The following CKAP5 variants were observed in gnomAD, a reference collection of about 807,000 sequenced individuals.
CKAP5 encodes cytoskeleton-associated protein 5.
In CKAP5, 27 loss-of-function variants were observed where a neutral mutation model predicts 232.8. The ratio of observed to expected loss-of-function variants is 0.12; its 90% CI spans 0.09 to 0.16. The LOEUF (loss-of-function observed/expected upper bound fraction) is 0.16. CKAP5 is among the 10% of genes least tolerant of loss of function. CKAP5 has a pLI of 1.00. For missense variants in CKAP5, 1,838 were observed against 2,424.7 expected, an observed-to-expected ratio of 0.76 and a Z score of 5.08; for synonymous variants, 785 against 841.1, an observed-to-expected ratio of 0.93 and a Z score of 1.16.
chr11:46,752,191 TATACACACACAC>T (rs1441989960), intron 38 of CKAP5, among the ~76,000 whole-genome samples: 4 of 73,162 alleles, frequency 5.5e-5, no homozygotes, highest in Non-Finnish European at 8.1e-5. Context: ...TATATATATA[TATACACACACAC>T]ACACACACAC....
chr11:46,756,064 G>C lies in CKAP5; in HGVS notation c.4690-997C>G, dbSNP rs145845187. On this transcript the variant is annotated intron_variant, in intron 35 of 43. Coordinates refer to ENST00000529230, the MANE Select transcript of CKAP5 (RefSeq NM_001008938.4). ...TGAGGCTCAGAAAGATCAGACTACT[G>C]GTCCAAACTCAAAAACTCAGCTTTC... is the stretch of plus-strand genomic sequence containing the variant. 5.9e-3 allele frequency among the ~76,000 whole-genome samples: 896 copies of C among 152,270 alleles called. 6 individuals are homozygous for C. The highest frequency in any genetic ancestry group is 0.021 in the African/African-American group (867 of 41,550).
chr11:46,790,358 T>TA (rs920112942), intron 14 of CKAP5, 112 bp downstream of exon 14: 16 of 902,394 alleles, frequency 1.8e-5, no homozygotes, highest in Non-Finnish European at 5.2e-6. Context: ...TTCAATAAGC[T>TA]AAAAAATATC....
At position 46,821,351 on chromosome 11, in the gene CKAP5, T is replaced by C. The variant is rs1939520389; in HGVS notation, c.-37-83A>G. 2.3e-5 allele frequency: 14 copies of C among 610,936 alleles called. No individual in the cohort carries two copies. In the East Asian group the frequency reaches 4.0e-4, roughly 17 times the overall value. 37.8% of individuals were successfully genotyped at this position (610,936 alleles called of 1,614,324 possible). ...TAACTTTTCTGAGATTATTATTTTA[T>C]CATTCATGCAACAACAAGAGTAAAA... On this transcript the variant is annotated intron_variant, in intron 1 of 43. Transcript: ENST00000529230.
At chr11:46,818,635 G>T in intron 2 of CKAP5, 132 bp from the exon 3 acceptor site, 1 of 598,600 alleles carries the variant, frequency 1.7e-6, no homozygotes, top group Admixed American at 3.6e-5. Flanking sequence ...AGGACCCCAT[G>T]ACTAGAAATG....
At chr11:46,776,878 C>T (rs1211399307) in intron 23 of CKAP5, among the ~76,000 whole-genome samples, 1 of 151,992 alleles carries the variant, frequency 6.6e-6, no homozygotes, top group African/African-American at 2.4e-5. Flanking sequence ...AATTATACAA[C>T]AGTATAGAGA....
chr11:46,797,266 C>G (rs939069082), intron 11 of CKAP5, among the ~76,000 whole-genome samples: 3 of 151,968 alleles, frequency 2.0e-5, no homozygotes, highest in Non-Finnish European at 4.4e-5. Context: ...ACTCAGGAGG[C>G]TGAGGCAGGA....
intron 11 of CKAP5, among the ~76,000 whole-genome samples, chr11:46,797,390 C>CAA (rs112909367): frequency 1.2e-4 from 17 of 137,784 alleles, no homozygotes; most frequent in South Asian, 9.8e-4. Flanking sequence ...ACAACAACAA[C>CAA]AAAAAAAAAA....
At chr11:46,764,101 T>C (rs1037928554) in intron 28 of CKAP5, among the ~76,000 whole-genome samples, 5 of 152,062 alleles carry the variant, frequency 3.3e-5, no homozygotes, top group Admixed American at 2.6e-4. Flanking sequence ...GCCTCCCAAA[T>C]TGTTGGGATG....
intron 40 of CKAP5, 57 bp downstream of exon 40, chr11:46,751,061 T>C: frequency 6.2e-7 from 1 of 1,605,320 alleles, no homozygotes; most frequent in Non-Finnish European, 8.5e-7. Context: ...ACACCTTAGA[T>C]AAGATCACTT....
rs867924677 is a variant in CKAP5 at position 46,763,955 on chromosome 11, C to T, written c.3538-325G>A. On this transcript the variant is annotated intron_variant, in intron 28 of 43. Transcript: ENST00000529230. ...GGCTCAAGTGATTCTTCTGCCTTAGCCCCCCAAGTAGCTGGGACTACAGAC... is the reference window on the plus strand; with the variant it reads ...GGCTCAAGTGATTCTTCTGCCTTAGTCCCCCAAGTAGCTGGGACTACAGAC... 2.6e-5 allele frequency among the ~76,000 whole-genome samples: 4 copies of T among 152,192 alleles called. No homozygotes were observed. In the South Asian group the frequency reaches 8.3e-4, roughly 32 times the overall value.
intron 1 of CKAP5, among the ~76,000 whole-genome samples, chr11:46,843,593 T>C (rs1267357406): frequency 6.6e-6 from 1 of 151,732 alleles, no homozygotes. Flanking sequence ...TTGCCAGGCA[T>C]GGTGATGCAC....
chr11:46,759,296 A>G lies in CKAP5; in HGVS notation c.4541T>C (p.Phe1514Ser), dbSNP rs1159468041. The change falls in exon 34 of 44, where the codon TTT (phenylalanine) becomes TCT (serine). Residue 1514 changes from phenylalanine to serine, a missense_variant. Physicochemically the swap from Phe to Ser is radical, Grantham distance 155 (BLOSUM62 -2). This residue lies in a region of CKAP5 where 579 missense variants were observed against 843.2 expected (regional missense o/e 0.69). Transcript: ENST00000529230. ...GGGTTCAGGAATAAGGACTGGCTCA[A>G]AAATGTCATCCAGTTTGTGCTGAAC... ...ELVQHKLDDI[F>S]EPVLIPEPKI... 6.2e-7 allele frequency: 1 copy of G among 1,613,910 alleles called. No homozygotes were observed. The highest frequency in any genetic ancestry group is 8.5e-7 in the Non-Finnish European group (1 of 1,179,938).
chr11:46,784,880 A>G (rs923816722), intron 16 of CKAP5, among the ~76,000 whole-genome samples: 1 of 152,226 alleles, frequency 6.6e-6, no homozygotes, highest in Non-Finnish European at 1.5e-5. Context: ...GAGAGGGAAA[A>G]AAAGCTACTC....
rs1037132452 is a variant in CKAP5 at position 46,768,004 on chromosome 11, C to T, written c.3323-341G>A. Among the ~76,000 whole-genome samples the T allele has an allele frequency of 1.4e-4, 22 of 152,076 alleles. 1 individual carries two copies. Among genetic ancestry groups the T allele is most frequent in the Admixed American group, 6.6e-5 (1 of 15,260 alleles). ...GGAGACAGGGTTTCGCCATGTTGCCCAGGCTGGTCTCAAACTCCTGGGCTC... is the reference window on the plus strand; with the variant it reads ...GGAGACAGGGTTTCGCCATGTTGCCTAGGCTGGTCTCAAACTCCTGGGCTC... On this transcript the variant is annotated intron_variant, in intron 26 of 43. Coordinates refer to ENST00000529230, the MANE Select transcript of CKAP5 (RefSeq NM_001008938.4).
Position 46,780,447 on chromosome 11 carries a change from G to C in CKAP5, c.2288C>G (p.Ala763Gly), listed in dbSNP as rs767204010. The C allele has an allele frequency of 5.6e-6, 9 of 1,613,802 alleles. No individual in the cohort carries two copies. Among genetic ancestry groups the C allele is most frequent in the African/African-American group, 4.0e-5 (3 of 74,928 alleles). The change falls in exon 19 of 44, where the codon GCT (alanine) becomes GGT (glycine). Residue 763 changes from alanine to glycine, a missense_variant. Physicochemically the swap from Ala to Gly is moderately conservative, Grantham distance 60. Coordinates refer to ENST00000529230, the MANE Select transcript of CKAP5 (RefSeq NM_001008938.4). ...ACTCACTGGGTTTGTTGCAGCAAGA[G>C]CTGTCTTCACATTGCTAATGAAAGC... Reference protein sequence around the residue: ...VKAFISNVKTALAATNPAVRT... With the variant: ...VKAFISNVKTGLAATNPAVRT...
At position 46,778,703 on chromosome 11, in the gene CKAP5, C is replaced by G. The variant is rs1340516566; in HGVS notation, c.2434-104G>C. 3 of 872,992 alleles carry G rather than the reference C, an allele frequency of 3.4e-6. No individual in the cohort carries two copies. In the East Asian group the frequency reaches 7.4e-5, roughly 21 times the overall value. The allele number at this position is 872,992 out of a possible 1,614,324, so 54.1% of individuals were successfully genotyped here. A position where few individuals can be genotyped will look rare whatever the true frequency, so the allele number is the denominator to read the frequency against. On this transcript the variant is annotated intron_variant, in intron 20 of 43. Coordinates refer to ENST00000529230, the MANE Select transcript of CKAP5 (RefSeq NM_001008938.4). ...TCAAACTCTCATTCCTTTGTAATACCTATTTACACAGTAGGTAATTTGACT... is the reference window on the plus strand; with the variant it reads ...TCAAACTCTCATTCCTTTGTAATACGTATTTACACAGTAGGTAATTTGACT...
At chr11:46,832,639 C>T (rs1377276363) in intron 1 of CKAP5, among the ~76,000 whole-genome samples, 1 of 152,334 alleles carries the variant, frequency 6.6e-6, no homozygotes, top group Non-Finnish European at 1.5e-5. Context: ...CTAAGCACTT[C>T]ACATGTATTT....
At chr11:46,786,497 A>T (rs1372772833) in intron 16 of CKAP5, among the ~76,000 whole-genome samples, 1 of 152,234 alleles carries the variant, frequency 6.6e-6, no homozygotes, top group African/African-American at 2.4e-5. Flanking sequence ...GAAAAGCCCT[A>T]TCCCCAGGGA....
intron 15 of CKAP5, 102 bp from the exon 16 acceptor site, chr11:46,788,875 G>T: frequency 1.3e-6 from 1 of 794,226 alleles, no homozygotes. Flanking sequence ...GAAGAAAGGA[G>T]TGGAATAGAA....
Sources: allele counts gnomAD v4.1 joint callset (sites outside exome capture counted in the v4.1 genomes callset), GRCh38; gene constraint gnomAD v4.1.1; regional missense constraint gnomAD v4.1.1; transcripts MANE v1.5; gene names NCBI Gene and HGNC (gene_info 2026-07-23, HGNC 2026-07-21).